Variants in SETD1B observed in about 807,000 individuals in gnomAD.
SETD1B encodes the protein SET domain containing 1B, histone lysine methyltransferase, also known as histone-lysine N-methyltransferase SETD1B.
Under a neutral mutation model 148.0 loss-of-function variants are expected in SETD1B, and 7 were observed. The observed-to-expected ratio is 0.05, with a 90% CI of 0.03 to 0.09. The LOEUF (loss-of-function observed/expected upper bound fraction) is 0.09, where lower values mean the gene tolerates loss of function less well. Among genes scored for constraint, SETD1B ranks in the 10% least tolerant of loss-of-function variants. The pLI, the probability that SETD1B is intolerant of heterozygous loss-of-function variation, is 1.00. For synonymous variants in SETD1B, 1,361 were observed against 1,186.5 expected (o/e 1.15, Z -3.02); for missense variants, 2,155 against 2,729.9 (o/e 0.79, Z 4.69).
At chr12:121,799,419 G>T (rs1357734224), upstream of SETD1B, 3 of 152,226 alleles carry the variant, frequency 2.0e-5, no homozygotes, top group East Asian at 5.8e-4. Flanking sequence ...CTCTCTAGCA[G>T]CCAGACATCA....
rs1875842033 is a variant in SETD1B, at chr12:121,808,209, G to A, written c.546G>A (p.Gly182=). The A allele has an allele frequency of 1.3e-6, 2 of 1,550,760 alleles. No individual in the cohort carries two copies. Among genetic ancestry groups the A allele is most frequent in the African/African-American group, 2.7e-5 (2 of 72,974 alleles). Residue 182 remains glycine, a splice_region_variant and synonymous_variant, in exon 5 of 17, where the codon GGG becomes GGA. Transcript: ENST00000604567. The surrounding 1 kb of genome is among the most constrained non-coding windows in gnomAD (Gnocchi z 5.3). ...TCCCCCTTTCCTGCCCATCTACAGGGGAAACCCGAATGCGGTTCTATGAAC... is the reference window on the plus strand; with the variant it reads ...TCCCCCTTTCCTGCCCATCTACAGGAGAAACCCGAATGCGGTTCTATGAAC... ...NIIHVELDTK[G]ETRMRFYELL...
At position 121,827,554 on chromosome 12, in the gene SETD1B, C is replaced by T. The variant is rs1876900592; in HGVS notation, c.5373C>T (p.Thr1791=). 7 of 1,548,140 alleles carry T rather than the reference C, an allele frequency of 4.5e-6. No individual in the cohort carries two copies. The highest frequency in any genetic ancestry group is 1.4e-5 in the African/African-American group (1 of 73,048). ...MSIPAQPHAS[T]RAGSERRSEQ... is the part of the protein sequence containing the mutation. The stretch of plus-strand genomic sequence containing the variant: ...TCCCAGCACAGCCCCACGCCTCCAC[C>T]CGGGCAGGCTCGGAGCGGCGTTCGG... The change falls in exon 14 of 17, where the codon ACC becomes ACT. Residue 1791 remains threonine, a synonymous_variant. Transcript: ENST00000604567.
At chr12:121,798,955 C>T in the SETD1B span, among the ~76,000 whole-genome samples, 1 of 152,206 alleles carries the variant, frequency 6.6e-6, no homozygotes, top group East Asian at 1.9e-4. Context: ...CGTCAAAACC[C>T]CAGGTGTTAC....
chr12:121,823,382 C>T lies in SETD1B; in HGVS notation c.4803C>T (p.Pro1601=). Residue 1601 remains proline, a synonymous_variant, in exon 12 of 17, where the codon CCC becomes CCT. Coordinates refer to ENST00000604567, the MANE Select transcript of SETD1B (RefSeq NM_001353345.2). The part of the protein sequence containing the change: ...PPPPPPPPVE[P]TKLPFKELDN... ...CCCCACCTCCCCCACCTGTAGAGCCCACCAAGCTGCCCTTTAAGGAGCTAG... is the reference window on the plus strand; with the variant it reads ...CCCCACCTCCCCCACCTGTAGAGCCTACCAAGCTGCCCTTTAAGGAGCTAG... 1 of 1,465,520 alleles carries T rather than the reference C, an allele frequency of 6.8e-7. No individual in the cohort carries two copies. The highest frequency in any genetic ancestry group is 9.1e-7 in the Non-Finnish European group (1 of 1,099,420). The allele number at this position is 1,465,520 out of a possible 1,614,324, so 90.8% of individuals were successfully genotyped here. A position where few individuals can be genotyped will look rare whatever the true frequency, so the allele number is the denominator to read the frequency against.
At position 121,804,809 on chromosome 12, in the gene SETD1B, G is replaced by A. The variant is rs1875642673; in HGVS notation, c.72G>A (p.Arg24=). The A allele has an allele frequency of 7.7e-6, 12 of 1,550,914 alleles. No individual in the cohort carries two copies. The highest frequency in any genetic ancestry group is 6.0e-5 in the South Asian group (5 of 84,016). The stretch of plus-strand genomic sequence containing the variant: ...CGCAGCCCGGCCCTTCGGGCGAGAG[G>A]AGGAACCACCATTGGAGAAGTTACA... ...PPPQPGPSGE[R]RNHHWRSYKL... is the part of the protein sequence containing the mutation. Residue 24 remains arginine (R), a synonymous_variant, in exon 2 of 17, where the codon AGG becomes AGA. Transcript: ENST00000604567. This position sits in a 1 kb window ranked among gnomAD's most constrained non-coding sequence, Gnocchi z 4.6.
upstream of SETD1B, chr12:121,803,924 C>T (rs1402374617): frequency 1.3e-5 from 2 of 156,578 alleles, no homozygotes; most frequent in Non-Finnish European, 2.8e-5. This position sits in a 1 kb window ranked among gnomAD's most constrained non-coding sequence, Gnocchi z 4.7. Context: ...CCTGGGGAAG[C>T]GGCGAGGAAG....
At chr12:121,827,171 C>CA (rs766920663) in intron 13 of SETD1B, among the ~76,000 whole-genome samples, 5 of 151,936 alleles carry the variant, frequency 3.3e-5, no homozygotes, top group Non-Finnish European at 7.4e-5. Context: ...CAGGACGTGA[C>CA]ACAAGGGTTT....
Position 121,809,786 on chromosome 12 carries a change from ACCC to A in SETD1B, c.843_845del (p.Pro282del). ...CACCCCGCTCACACCGCGCCTGGGCACCCCTTTCTCACAGGACTCCAGCTACTC... is the reference window on the plus strand; with the variant it reads ...CACCCCGCTCACACCGCGCCTGGGCACTTTCTCACAGGACTCCAGCTACTC... On this transcript the variant is annotated inframe_deletion, in exon 6 of 17. Coordinates refer to ENST00000604567, the MANE Select transcript of SETD1B (RefSeq NM_001353345.2). The A allele has an allele frequency of 6.4e-7, 1 of 1,551,066 alleles. No individual in the cohort carries two copies. Among genetic ancestry groups the A allele is most frequent in the Non-Finnish European group, 8.7e-7 (1 of 1,146,884 alleles).
chr12:121,805,765 G>T lies in SETD1B; in HGVS notation c.274-70G>T. The T allele has an allele frequency of 1.5e-6, 2 of 1,374,016 alleles. No individual in the cohort carries two copies. The highest frequency in any genetic ancestry group is 1.5e-5 in the South Asian group (1 of 68,608). 85.1% of individuals were successfully genotyped at this position (1,374,016 alleles called of 1,614,324 possible). A position where few individuals can be genotyped will look rare whatever the true frequency, so the allele number is the denominator to read the frequency against. On this transcript the variant is annotated intron_variant, in intron 3 of 16. Coordinates refer to ENST00000604567, the MANE Select transcript of SETD1B (RefSeq NM_001353345.2). The surrounding 1 kb of genome is among the most constrained non-coding windows in gnomAD (Gnocchi z 4.2). ...CGGGTGGGCGAGTTGCGGGCGGGGC[G>T]GGGGGGATGTTGTGTTTTCCCTTAG... is the stretch of plus-strand genomic sequence containing the variant.
upstream of SETD1B, chr12:121,799,739 G>GGGGGGGGGT (rs1875228876): frequency 7.7e-6 from 1 of 129,288 alleles, no homozygotes; most frequent in Non-Finnish European, 1.7e-5. Context: ...GGTGGGGTGG[G>GGGGGGGGGT]GCGGGGCCGC....
intron 13 of SETD1B, among the ~76,000 whole-genome samples, chr12:121,826,513 T>G (rs1478867541): frequency 6.6e-6 from 1 of 151,938 alleles, no homozygotes; most frequent in Non-Finnish European, 1.5e-5. Context: ...AGCAGGGAGC[T>G]CCATGGTGTG....
chr12:121,796,261 CAAGA>C, the SETD1B span: 47 of 152,826 alleles, frequency 3.1e-4, no homozygotes, highest in African/African-American at 1.1e-3. Flanking sequence ...TTTGAGAAAG[CAAGA>C]AAGATTCTTT....
In SETD1B at chr12:121,817,688, C is replaced by T. The variant is rs1246909402; in HGVS notation, c.3296C>T (p.Ser1099Leu). Residue 1099 changes from serine to leucine, a missense_variant, in exon 9 of 17, where the codon TCA becomes TTA. Physicochemically the swap from Ser to Leu is moderately radical, Grantham distance 145 (BLOSUM62 -2). Around this residue, in one of 11 missense-constraint regions of SETD1B, gnomAD observed 862 missense variants for 873.8 expected, o/e 0.99. Transcript: ENST00000604567. This position sits in a 1 kb window ranked among gnomAD's most constrained non-coding sequence, Gnocchi z 8.1. ...PRSQLSSSST[S>L]STSDKDDDDD... ...AGCCAGCTCTCCTCCTCCTCAACCTCATCCACATCAGATAAGGTGCCTAGC... is the reference window on the plus strand; with the variant it reads ...AGCCAGCTCTCCTCCTCCTCAACCTTATCCACATCAGATAAGGTGCCTAGC... The T allele has an allele frequency of 6.5e-7, 1 of 1,548,658 alleles. No individual in the cohort carries two copies. The highest frequency in any genetic ancestry group is 2.0e-5 in the Admixed American group (1 of 50,938).
In SETD1B at chr12:121,814,488, T is replaced by C; in HGVS notation, c.2273T>C (p.Val758Ala). 6.9e-7 allele frequency: 1 copy of C among 1,454,718 alleles called. No individual in the cohort carries two copies. Among genetic ancestry groups the C allele is most frequent in the Non-Finnish European group, 9.1e-7 (1 of 1,100,006 alleles). The allele number at this position is 1,454,718 out of a possible 1,614,324, so 90.1% of individuals were successfully genotyped here. The change falls in exon 7 of 17, where the codon GTG (valine) becomes GCG (alanine). Residue 758 changes from valine (V) to alanine (A), a missense_variant. Val to Ala is a moderately conservative substitution (Grantham distance 64). Around this residue, in one of 11 missense-constraint regions of SETD1B, gnomAD observed 289 missense variants for 423.7 expected, o/e 0.68. Transcript: ENST00000604567. ...FPPGLFPVMQ[V>A]DMSHVLGGQW... ...CCGGGCCTGTTCCCTGTGATGCAGG[T>C]GGACATGAGCCACGTGCTGGGTGGC...
In SETD1B at chr12:121,817,631, CGGA is replaced by C. The variant is rs71079098; in HGVS notation, c.3258_3260del (p.Glu1087del). 5.5e-4 allele frequency: 826 copies of C among 1,498,282 alleles called. No homozygotes were observed. The highest frequency in any genetic ancestry group is 6.1e-4 in the Non-Finnish European group (677 of 1,108,564). The allele number at this position is 1,498,282 out of a possible 1,614,324, so 92.8% of individuals were successfully genotyped here. On this transcript the variant is annotated inframe_deletion, in exon 9 of 17. Transcript: ENST00000604567. This position sits in a 1 kb window ranked among gnomAD's most constrained non-coding sequence, Gnocchi z 8.1. ...GAGAGCACCGAGGAGGAAGAGGAGG[CGGA>C]GGAGGAGGAGGAGGAGGAAGTCCCC...
At chr12:121,794,908 G>A in the SETD1B span, among the ~76,000 whole-genome samples, 3 of 152,192 alleles carry the variant, frequency 2.0e-5, no homozygotes, top group Non-Finnish European at 4.4e-5. Flanking sequence ...GGGGGCAAGT[G>A]GCCTTCGTAG....
chr12:121,819,699 T>C lies in SETD1B; in HGVS notation c.3714T>C (p.Thr1238=), dbSNP rs1876475774. The stretch of plus-strand genomic sequence containing the variant: ...TGGAAGAGGAGGTGGACATCGAGAC[T>C]GAGGCTGTGGCCCCTGAGGAGCGGC... ...LGMEEEVDIE[T]EAVAPEERPS... is the part of the protein sequence containing the mutation. The change falls in exon 11 of 17, where the codon ACT becomes ACC. Residue 1238 remains threonine, a synonymous_variant. Transcript: ENST00000604567. 6.4e-7 allele frequency: 1 copy of C among 1,551,064 alleles called. No homozygotes were observed. The highest frequency in any genetic ancestry group is 1.4e-5 in the African/African-American group (1 of 73,128).
In SETD1B at chr12:121,810,674, C is replaced by T. The variant is rs1875989551; in HGVS notation, c.1729C>T (p.Leu577Phe). The T allele has an allele frequency of 1.9e-6, 3 of 1,550,190 alleles. No homozygotes were observed. The highest frequency in any genetic ancestry group is 2.6e-6 in the Non-Finnish European group (3 of 1,146,900). ...CCTGGAGGATATCAGCCCAACACCC[C>T]TCCCAGACTCCGACGAGGACGAGGA... is the stretch of plus-strand genomic sequence containing the variant. ...TGLEDISPTP[L>F]PDSDEDEELD... The change falls in exon 6 of 17, where the codon CTC becomes TTC. Residue 577 changes from leucine (L) to phenylalanine (F), a missense_variant. Leu to Phe is a conservative substitution (Grantham distance 22, BLOSUM62 0). Transcript: ENST00000604567. This position sits in a 1 kb window ranked among gnomAD's most constrained non-coding sequence, Gnocchi z 7.6.
At chr12:121,824,490 T>TA (rs1285642758) in intron 12 of SETD1B, among the ~76,000 whole-genome samples, 1 of 151,602 alleles carries the variant, frequency 6.6e-6, no homozygotes, top group Non-Finnish European at 1.5e-5. Context: ...CTACTAAAAA[T>TA]ACAAAAATTA....
Sources: allele counts gnomAD v4.1 joint callset (sites outside exome capture counted in the v4.1 genomes callset), GRCh38; gene constraint gnomAD v4.1.1; regional missense constraint gnomAD v4.1.1; non-coding constraint Gnocchi (gnomAD v3.1); transcripts MANE v1.5; gene names NCBI Gene and HGNC (gene_info 2026-07-23, HGNC 2026-07-21).